The following TIAM2 variants were observed in gnomAD, a reference collection of about 807,000 sequenced individuals.
TIAM2 encodes the protein rho guanine nucleotide exchange factor TIAM2.
TIAM2 carries 80 observed loss-of-function variants against 152.9 expected under a neutral mutation model. The ratio of observed to expected loss-of-function variants is 0.52; its 90% confidence interval spans 0.44 to 0.63. The LOEUF (loss-of-function observed/expected upper bound fraction) is 0.63. Among genes scored for constraint, TIAM2 ranks in the 30% least tolerant of loss-of-function variants. The probability of loss-of-function intolerance (pLI) is 0.00; values close to 1 mark genes in which losing one functional copy is unlikely to be tolerated. For missense variants in TIAM2, 1,965 were observed against 2,120.1 expected, an observed-to-expected ratio of 0.93 and a Z score of 1.44; for synonymous variants, 804 against 838.0, an observed-to-expected ratio of 0.96 and a Z score of 0.70.
At chr6:155,011,223 T>A (rs536395637) in intron 1 of TIAM2, among the ~76,000 whole-genome samples, 101 of 152,256 alleles carry the variant, frequency 6.6e-4, no homozygotes, top group Admixed American at 6.5e-4. Context: ...TTACAACTCC[T>A]CACTTTCAGG....
chr6:155,076,794 C>T (rs112516597), intron 1 of TIAM2, among the ~76,000 whole-genome samples: 111 of 152,312 alleles, frequency 7.3e-4, no homozygotes, highest in African/African-American at 2.6e-3. Context: ...CTCCCAGGTT[C>T]AAGCGATTTT....
intron 1 of TIAM2, among the ~76,000 whole-genome samples, chr6:155,059,008 A>G (rs17085903): frequency 0.05 from 7,648 of 152,240 alleles, 663 homozygotes; most frequent in African/African-American, 0.18. Context: ...GGAATTAACT[A>G]TGCAACATGG....
At position 155,248,000 on chromosome 6, in the gene TIAM2, C is replaced by T; in HGVS notation, c.3653C>T (p.Ala1218Val). 1 of 1,613,806 alleles carries T rather than the reference C, an allele frequency of 6.2e-7. No individual in the cohort carries two copies. The highest frequency in any genetic ancestry group is 8.5e-7 in the Non-Finnish European group (1 of 1,179,802). ...AGGTCTTTTATCCATCTGCTTGTAG[C>T]TAAAACTGACAAAGCCTTCAAGGCT... Reference protein sequence around the residue: ...HIKVQKVLERAKTDKAFKAFL... With the variant: ...HIKVQKVLERVKTDKAFKAFL... Residue 1218 changes from alanine (A) to valine (V), a missense_variant and splice_region_variant, in exon 20 of 27, where the codon GCT becomes GTT. Transcript: ENST00000682666.
chr6:155,106,052 T>C (rs1271743251), intron 2 of TIAM2, among the ~76,000 whole-genome samples: 1 of 149,714 alleles, frequency 6.7e-6, no homozygotes, highest in Non-Finnish European at 1.5e-5. Context: ...TATCCCAGGC[T>C]GGAGTGCAGT....
At chr6:155,021,385 C>T (rs1235693236) in intron 1 of TIAM2, among the ~76,000 whole-genome samples, 1 of 152,068 alleles carries the variant, frequency 6.6e-6, no homozygotes, top group African/African-American at 2.4e-5. Context: ...CCTCAGCCTC[C>T]CGAGTAGCTG....
intron 14 of TIAM2, among the ~76,000 whole-genome samples, chr6:155,192,047 C>G (rs1328438196): frequency 6.6e-6 from 1 of 151,954 alleles, no homozygotes; most frequent in East Asian, 1.9e-4. Flanking sequence ...GTGGGGGGCC[C>G]AGTGTAGTCA....
chr6:155,140,831 A>G (rs1287005945), intron 5 of TIAM2, among the ~76,000 whole-genome samples: 1 of 152,150 alleles, frequency 6.6e-6, no homozygotes, highest in African/African-American at 2.4e-5. Context: ...CTGATTCTAA[A>G]TTAATATAAA....
At chr6:155,134,730 G>C (rs763002553) in intron 4 of TIAM2, among the ~76,000 whole-genome samples, 6 of 151,938 alleles carry the variant, frequency 3.9e-5, no homozygotes, top group Non-Finnish European at 7.4e-5. Flanking sequence ...TTTTGAGACA[G>C]AGTCTCGCTC....
chr6:155,066,048 C>T (rs1439096173), intron 1 of TIAM2, among the ~76,000 whole-genome samples: 3 of 152,186 alleles, frequency 2.0e-5, no homozygotes, highest in Non-Finnish European at 4.4e-5. Context: ...ACTTTTGAAA[C>T]TCTAACTCCA....
intron 1 of TIAM2, among the ~76,000 whole-genome samples, chr6:155,010,799 C>G (rs965348401): frequency 3.4e-5 from 5 of 146,782 alleles, no homozygotes; most frequent in African/African-American, 1.3e-4. Flanking sequence ...TTGGCCAGGC[C>G]GGTCTCGACC....
chr6:155,211,018 G>T (rs1056806402), intron 14 of TIAM2, among the ~76,000 whole-genome samples, 186 bp from the exon 15 acceptor site: 1 of 152,144 alleles, frequency 6.6e-6, no homozygotes. Context: ...CAATTAGCAA[G>T]ACCCTAGATC....
At chr6:155,247,885 A>G in intron 19 of TIAM2, 115 bp from the exon 20 acceptor site, 2 of 1,331,906 alleles carry the variant, frequency 1.5e-6, no homozygotes, top group Non-Finnish European at 2.1e-6. Flanking sequence ...TTTTCATTAA[A>G]GAATGGCATT....
Position 155,129,765 on chromosome 6 carries a change from G to C in TIAM2, c.542G>C (p.Gly181Ala), listed in dbSNP as rs151043865. 6.2e-7 allele frequency: 1 copy of C among 1,613,864 alleles called. No homozygotes were observed. Among genetic ancestry groups the C allele is most frequent in the Non-Finnish European group, 8.5e-7 (1 of 1,180,038 alleles). ...GCLRVEFHNG[G>A]NPSKVPAEDC... ...TTAAGGGTCGAGTTCCACAATGGTG[G>C]CAACCCCAGCAAAGTGCCTGCAGAG... is the stretch of plus-strand genomic sequence containing the variant. The change falls in exon 4 of 27, where the codon GGC (glycine) becomes GCC (alanine). Residue 181 changes from glycine to alanine, a missense_variant. This residue lies in a region of TIAM2 where 1,025 missense variants were observed against 1,119.4 expected (regional missense o/e 0.92). Coordinates refer to ENST00000682666, the MANE Select transcript of TIAM2 (RefSeq NM_012454.4). This position sits in a 1 kb window ranked among gnomAD's most constrained non-coding sequence, Gnocchi z 4.8.
intron 1 of TIAM2, among the ~76,000 whole-genome samples, chr6:155,042,749 T>G (rs910550542): frequency 2.0e-5 from 3 of 152,008 alleles, no homozygotes; most frequent in Non-Finnish European, 2.9e-5. Flanking sequence ...ATGCATTACC[T>G]CAAATACTTA....
chr6:155,116,198 T>A (rs957079019), intron 2 of TIAM2, among the ~76,000 whole-genome samples: 10 of 152,242 alleles, frequency 6.6e-5, no homozygotes, highest in African/African-American at 2.4e-4. Flanking sequence ...TTAGCAAATT[T>A]AAACTATACC....
chr6:155,085,687 GA>G lies in TIAM2; in HGVS notation c.-208-4598del, dbSNP rs781406333. Reference sequence around the variant, plus strand: ...CCACTTTTCATCACAAAGCTCAAGGGAAAAGAATGTAAGGTGTGTTCATGTT... The same window carrying G: ...CCACTTTTCATCACAAAGCTCAAGGGAAAGAATGTAAGGTGTGTTCATGTT... On this transcript the variant is annotated intron_variant, in intron 1 of 26. Transcript: ENST00000682666. 7.9e-5 allele frequency among the ~76,000 whole-genome samples: 12 copies of G among 152,244 alleles called. No individual in the cohort carries two copies. The East Asian group carries it at 1.9e-3, about 25-fold the overall frequency.
At chr6:155,169,785 C>A (rs1215581059) in intron 9 of TIAM2, among the ~76,000 whole-genome samples, 1 of 152,136 alleles carries the variant, frequency 6.6e-6, no homozygotes, top group Non-Finnish European at 1.5e-5. Context: ...CACAACATCC[C>A]CATGAAGCTG....
intron 1 of TIAM2, among the ~76,000 whole-genome samples, chr6:155,078,660 C>G (rs895123522): frequency 6.6e-6 from 1 of 152,200 alleles, no homozygotes; most frequent in African/African-American, 2.4e-5. Flanking sequence ...TGAACTCCCA[C>G]CCAGGAGAGG....
chr6:155,042,371 G>A (rs1014611976), intron 1 of TIAM2, among the ~76,000 whole-genome samples: 2 of 152,072 alleles, frequency 1.3e-5, no homozygotes, highest in African/African-American at 4.8e-5. Context: ...TGAGGCGGGC[G>A]GATCACCTGA....
Sources: allele counts gnomAD v4.1 joint callset (sites outside exome capture counted in the v4.1 genomes callset), GRCh38; gene constraint gnomAD v4.1.1; regional missense constraint gnomAD v4.1.1; non-coding constraint Gnocchi (gnomAD v3.1); transcripts MANE v1.5; gene names NCBI Gene and HGNC (gene_info 2026-07-23, HGNC 2026-07-21).